The following GSE1 variants were observed in gnomAD, a reference collection of about 807,000 sequenced individuals.
GSE1 encodes genetic suppressor element 1.
A neutral mutation model predicts 112.6 loss-of-function variants in GSE1; 32 were observed. The observed-to-expected ratio is 0.28, with a 90% CI of 0.21 to 0.38. GSE1 has a LOEUF of 0.38. Among genes scored for constraint, GSE1 ranks in the 10% least tolerant of loss-of-function variants. GSE1 has a pLI of 1.00. For missense variants in GSE1, 2,348 were observed against 1,699.2 expected (o/e 1.38, Z -6.71); for synonymous variants, 1,115 against 735.6 (o/e 1.52, Z -8.35).
intron 1 of GSE1, among the ~76,000 whole-genome samples, chr16:85,173,723 T>G (rs2074404854): frequency 6.6e-6 from 1 of 152,198 alleles, no homozygotes; most frequent in African/African-American, 2.4e-5. Flanking sequence ...ATGCTGCCCG[T>G]CGGCCTTGAC....
intron 13 of GSE1, chr16:85,666,581 G>A (rs2052880556): frequency 7.0e-6 from 4 of 570,106 alleles, no homozygotes; most frequent in East Asian, 3.0e-5. Flanking sequence ...CGCTGACGCT[G>A]TGCTGTGAGC....
chr16:85,585,039 G>C (rs529413049), intron 1 of GSE1, among the ~76,000 whole-genome samples: 1 of 152,330 alleles, frequency 6.6e-6, no homozygotes, highest in Non-Finnish European at 1.5e-5. Context: ...CAGCGTATGG[G>C]GCAGGAGCTT....
intron 2 of GSE1, among the ~76,000 whole-genome samples, chr16:85,481,129 T>C (rs2151871307): frequency 6.6e-6 from 1 of 152,050 alleles, no homozygotes; most frequent in African/African-American, 2.4e-5. Flanking sequence ...CTCGCTTCTC[T>C]CCCCACCCGG....
chr16:85,220,994 G>A (rs1567618684), intron 1 of GSE1, among the ~76,000 whole-genome samples: 2 of 138,682 alleles, frequency 1.4e-5, no homozygotes. Context: ...CAAGGCACAT[G>A]GGAGAACAGC....
chr16:85,646,161 G>A (rs571543769), intron 2 of GSE1, among the ~76,000 whole-genome samples: 2 of 122,658 alleles, frequency 1.6e-5, no homozygotes, highest in African/African-American at 3.3e-5. Flanking sequence ...CTTCTACCAC[G>A]CTTCCTATGC....
At chr16:85,573,031 A>G (rs1598235383) in intron 1 of GSE1, among the ~76,000 whole-genome samples, 1 of 152,112 alleles carries the variant, frequency 6.6e-6, no homozygotes, top group African/African-American at 2.4e-5. Flanking sequence ...CACCACACCT[A>G]GCTAATTTTT....
intron 1 of GSE1, among the ~76,000 whole-genome samples, chr16:85,236,177 G>C (rs376643154): frequency 6.6e-6 from 1 of 152,246 alleles, no homozygotes; most frequent in Admixed American, 6.5e-5. Context: ...CTCCTGGTGG[G>C]GGCTGGGACC....
At chr16:85,627,498 G>A (rs1043771178) in intron 1 of GSE1, among the ~76,000 whole-genome samples, 19 of 152,026 alleles carry the variant, frequency 1.2e-4, no homozygotes, top group African/African-American at 3.9e-4. Flanking sequence ...TTTTTCCTGG[G>A]GGTGGGGGTC....
intron 2 of GSE1, among the ~76,000 whole-genome samples, chr16:85,480,304 T>C (rs2050630949): frequency 6.6e-6 from 1 of 151,610 alleles, no homozygotes; most frequent in Non-Finnish European, 1.5e-5. Flanking sequence ...CAGGGCCCCA[T>C]TGGGTGAGGC....
chr16:85,654,707 G>A, intron 4 of GSE1, 87 bp from the exon 5 acceptor site: 2 of 858,100 alleles, frequency 2.3e-6, no homozygotes, highest in Non-Finnish European at 3.8e-6. Context: ...GAGCGCCAGG[G>A]GTGATGCAGG....
At position 85,648,704 on chromosome 16, in the gene GSE1, G is replaced by T. The variant is rs752961108; in HGVS notation, c.379G>T (p.Ala127Ser). 6.2e-7 allele frequency: 1 copy of T among 1,608,030 alleles called. No homozygotes were observed. Among genetic ancestry groups the T allele is most frequent in the Non-Finnish European group, 8.5e-7 (1 of 1,177,674 alleles). ...CAGCACCCCCCCCGTGGTGACCATC[G>T]CTCCAACCAAAACCGTGAATGGTGT... Reference protein sequence around the residue: ...VPSTPPVVTIAPTKTVNGVWR... With the variant: ...VPSTPPVVTISPTKTVNGVWR... The change falls in exon 3 of 16, where the codon GCT (alanine) becomes TCT (serine). Residue 127 changes from alanine to serine, a missense_variant. Transcript: ENST00000253458.
intron 2 of GSE1, among the ~76,000 whole-genome samples, chr16:85,517,804 G>T (rs1298972206): frequency 6.6e-6 from 1 of 152,274 alleles, no homozygotes; most frequent in Non-Finnish European, 1.5e-5. Context: ...TCCGCCTCAT[G>T]GCCTCACATG....
At chr16:85,628,863 C>T (rs1443562600) in intron 1 of GSE1, among the ~76,000 whole-genome samples, 2 of 152,182 alleles carry the variant, frequency 1.3e-5, no homozygotes, top group African/African-American at 4.8e-5. Context: ...CGCGCCATGG[C>T]CTCTGTGTAC....
At chr16:85,251,451 C>T (rs117563129) in intron 1 of GSE1, among the ~76,000 whole-genome samples, 1 of 152,272 alleles carries the variant, frequency 6.6e-6, no homozygotes, top group Admixed American at 6.5e-5. Flanking sequence ...CAGTCCTGTT[C>T]TCTGTTTCCC....
chr16:85,197,602 C>G (rs1382690030), intron 1 of GSE1, among the ~76,000 whole-genome samples: 6 of 152,192 alleles, frequency 3.9e-5, no homozygotes, highest in African/African-American at 1.4e-4. Context: ...CCGGCAGTCA[C>G]AAGAGCGCTG....
intron 1 of GSE1, among the ~76,000 whole-genome samples, chr16:85,232,509 T>C (rs1904297269): frequency 6.6e-6 from 1 of 152,100 alleles, no homozygotes; most frequent in Non-Finnish European, 1.5e-5. Flanking sequence ...TGGCTTTTCC[T>C]GCTCAGGGTG....
At chr16:85,652,896 C>G (rs2051493673) in intron 3 of GSE1, among the ~76,000 whole-genome samples, 1 of 151,964 alleles carries the variant, frequency 6.6e-6, no homozygotes, top group African/African-American at 2.4e-5. Flanking sequence ...GGGGCTGGTG[C>G]TCTTCAGGAG....
intron 1 of GSE1, among the ~76,000 whole-genome samples, chr16:85,563,864 T>G (rs139371484): frequency 0.013 from 1,996 of 152,298 alleles, 30 homozygotes; most frequent in Non-Finnish European, 0.021. Flanking sequence ...TGCTCCTGGG[T>G]TGGACCGGGC....
chr16:85,357,530 C>T, exon 2 of GSE1: 2 of 1,272,678 alleles, frequency 1.6e-6, no homozygotes, highest in Non-Finnish European at 2.0e-6. Flanking sequence ...GAGACCCGGC[C>T]ACGCGCCCCC....
Sources: allele counts gnomAD v4.1 joint callset (sites outside exome capture counted in the v4.1 genomes callset), GRCh38; gene constraint gnomAD v4.1.1; transcripts MANE v1.5; gene names NCBI Gene and HGNC (gene_info 2026-07-23, HGNC 2026-07-21).